The following FARP1 variants were observed in gnomAD, a reference collection of about 807,000 sequenced individuals.
FARP1 encodes the protein FERM, ARH/RhoGEF and pleckstrin domain protein 1, also known as FERM, ARHGEF and pleckstrin domain-containing protein 1.
A neutral mutation model predicts 128.8 loss-of-function variants in FARP1; 52 were observed. The observed-to-expected ratio is 0.40, with a 90% CI of 0.32 to 0.51. FARP1 has a LOEUF of 0.51. Ranked by LOEUF, FARP1 falls within the 20% of genes least tolerant of loss-of-function variation. The pLI, the probability that FARP1 is intolerant of heterozygous loss-of-function variation, is 0.45. For synonymous variants in FARP1, 580 were observed against 551.8 expected, an observed-to-expected ratio of 1.05 and a Z score of -0.72; for missense variants, 1,333 against 1,367.9, an observed-to-expected ratio of 0.97 and a Z score of 0.40.
In FARP1 at chr13:98,424,345, T is replaced by C. The variant is rs1322271818; in HGVS notation, c.1827-227T>C. 5.3e-5 allele frequency among the ~76,000 whole-genome samples: 8 copies of C among 152,166 alleles called. No individual in the cohort carries two copies. The East Asian group carries it at 1.5e-3, about 29-fold the overall frequency. ...TAAACCAAATTAAAAGGATTGGAAA[T>C]TGGTTCTCTCTTGTCTCTTTCAAAG... On this transcript the variant is annotated intron_variant, in intron 16 of 26. Transcript: ENST00000319562.
intron 2 of FARP1, among the ~76,000 whole-genome samples, chr13:98,297,442 T>C (rs55848509): frequency 0.052 from 7,888 of 152,318 alleles, 238 homozygotes; most frequent in African/African-American, 0.069. Context: ...GGATTCAAGA[T>C]TGGCTTTAAA....
At chr13:98,313,313 AACACACACAC>A (rs10684013) in intron 2 of FARP1, among the ~76,000 whole-genome samples, 3 of 139,392 alleles carry the variant, frequency 2.2e-5, no homozygotes, top group South Asian at 2.4e-4. Flanking sequence ...CCTTCCCCCA[AACACACACAC>A]ACACACACAC....
intron 1 of FARP1, among the ~76,000 whole-genome samples, chr13:98,186,431 TTC>T (rs1331961781): frequency 6.6e-6 from 1 of 152,092 alleles, no homozygotes; most frequent in Non-Finnish European, 1.5e-5. Flanking sequence ...TCCATCTTTC[TTC>T]TCTCTCTCCC....
chr13:98,324,375 G>T (rs1392053818), intron 2 of FARP1, among the ~76,000 whole-genome samples: 1 of 152,132 alleles, frequency 6.6e-6, no homozygotes, highest in African/African-American at 2.4e-5. Flanking sequence ...TGCTTTTTGT[G>T]TAAGATCTAT....
At chr13:98,249,544 G>T (rs948543840) in intron 2 of FARP1, among the ~76,000 whole-genome samples, 2 of 152,054 alleles carry the variant, frequency 1.3e-5, no homozygotes, top group African/African-American at 4.8e-5. Flanking sequence ...TTTCCTTGTG[G>T]CAACAGAGAT....
At chr13:98,408,322 CTTTTTTTTTTTTTT>C (rs34532263) in intron 13 of FARP1, among the ~76,000 whole-genome samples, 2 of 90,164 alleles carry the variant, frequency 2.2e-5, no homozygotes, top group East Asian at 6.2e-4. Flanking sequence ...GTAATATATA[CTTTTTTTTTTTTTT>C]TTTTTTTTTG....
chr13:98,180,616 T>G (rs571036900), intron 1 of FARP1, among the ~76,000 whole-genome samples: 3 of 152,246 alleles, frequency 2.0e-5, no homozygotes, highest in Non-Finnish European at 4.4e-5. Flanking sequence ...TTCAGCCTTC[T>G]TCCAAGTTAG....
Position 98,263,835 on chromosome 13 carries a change from C to T in FARP1, c.171+50422C>T, listed in dbSNP as rs112260057. Among the ~76,000 whole-genome samples, 1,267 of 152,182 alleles carry T rather than the reference C, an allele frequency of 8.3e-3. 6 individuals carry two copies. Among genetic ancestry groups the T allele is most frequent in the Admixed American group, 0.016 (242 of 15,294 alleles). On this transcript the variant is annotated intron_variant, in intron 2 of 26. Transcript: ENST00000319562. ...TTGTGACATCCTTCAATTGATTTTC[C>T]TTTTCCCATTTATTTTTAGTGCTCC...
Position 98,423,411 on chromosome 13 carries a change from TTTTG to T in FARP1, c.1827-1137_1827-1134del, listed in dbSNP as rs369206178. Among the ~76,000 whole-genome samples, 1,213 of 152,200 alleles carry T rather than the reference TTTTG, an allele frequency of 8.0e-3. 15 individuals are homozygous for T. The highest frequency in any genetic ancestry group is 0.024 in the African/African-American group (1,010 of 41,500). On this transcript the variant is annotated intron_variant, in intron 16 of 26. Transcript: ENST00000319562. ...CTTCCTATTAGAAGCCTAGTGCCAGTTTTGTTTGTTTGTTTGTTTGTTTGTTTAA... is the reference window on the plus strand; with the variant it reads ...CTTCCTATTAGAAGCCTAGTGCCAGTTTTGTTTGTTTGTTTGTTTGTTTAA...
chr13:98,371,124 G>A (rs1401294675), intron 5 of FARP1, among the ~76,000 whole-genome samples: 1 of 152,056 alleles, frequency 6.6e-6, no homozygotes, highest in Non-Finnish European at 1.5e-5. Context: ...AAGTAGCATC[G>A]GTAGCGTGCC....
At chr13:98,167,590 A>C (rs2139151852) in intron 1 of FARP1, among the ~76,000 whole-genome samples, 1 of 151,826 alleles carries the variant, frequency 6.6e-6, no homozygotes, top group East Asian at 2.0e-4. Flanking sequence ...TTGTATTTTT[A>C]GTAGAGCTAG....
intron 2 of FARP1, among the ~76,000 whole-genome samples, chr13:98,336,014 T>C (rs570978103): frequency 4.9e-4 from 75 of 152,304 alleles, no homozygotes; most frequent in South Asian, 3.1e-3. Context: ...TCAAACATTA[T>C]CAAGTTCTGT....
rs571572838 is a variant in FARP1, at chr13:98,147,862, G to A, written c.-24+4370G>A. On this transcript the variant is annotated intron_variant, in intron 1 of 26. Coordinates refer to ENST00000319562, the MANE Select transcript of FARP1 (RefSeq NM_005766.4). ...AAAATTTTTCTTAGAGAGTCTCACCGCTATGTTGCCCAGTCTGGTAAATCC... is the reference window on the plus strand; with the variant it reads ...AAAATTTTTCTTAGAGAGTCTCACCACTATGTTGCCCAGTCTGGTAAATCC... 1.1e-4 allele frequency among the ~76,000 whole-genome samples: 17 copies of A among 151,898 alleles called. No homozygotes were observed. In the East Asian group the frequency reaches 2.3e-3, roughly 21 times the overall value.
At chr13:98,188,719 G>C (rs1879041903) in intron 1 of FARP1, among the ~76,000 whole-genome samples, 1 of 152,168 alleles carries the variant, frequency 6.6e-6, no homozygotes, top group South Asian at 2.1e-4. Flanking sequence ...AAGGGAGGTG[G>C]AGTCTGCGGT....
At chr13:98,396,333 C>G (rs1013683777) in intron 13 of FARP1, 2 of 399,080 alleles carry the variant, frequency 5.0e-6, no homozygotes, top group African/African-American at 4.1e-5. Context: ...GTGAGTCAGA[C>G]TCTGAGATGC....
At chr13:98,188,615 G>A (rs1594248200) in intron 1 of FARP1, among the ~76,000 whole-genome samples, 1 of 152,130 alleles carries the variant, frequency 6.6e-6, no homozygotes, top group African/African-American at 2.4e-5. Flanking sequence ...AGGCTAAGAT[G>A]TCTGAAGGCT....
At chr13:98,314,452 G>A (rs1057108953) in intron 2 of FARP1, among the ~76,000 whole-genome samples, 3 of 151,758 alleles carry the variant, frequency 2.0e-5, no homozygotes, top group Non-Finnish European at 4.4e-5. Flanking sequence ...GCTAATTTTT[G>A]TATTTTTAGT....
At chr13:98,381,483 C>T (rs1270004843) in intron 6 of FARP1, 6 of 152,184 alleles carry the variant, frequency 3.9e-5, no homozygotes, top group Non-Finnish European at 8.8e-5. Context: ...TTTGTTCCTC[C>T]GTCACTGGCC....
In FARP1 at chr13:98,379,006, A is replaced by T. The variant is rs1488460013; in HGVS notation, c.496+1088A>T. On this transcript the variant is annotated intron_variant, in intron 6 of 26. Coordinates refer to ENST00000319562, the MANE Select transcript of FARP1 (RefSeq NM_005766.4). ...ATATAATATATATATAATATATACA[A>T]TATATAATCTATATATAATATATAT... Among the ~76,000 whole-genome samples the T allele has an allele frequency of 2.2e-5, 2 of 89,840 alleles. 1 individual carries two copies. The highest frequency in any genetic ancestry group is 6.3e-4 in the East Asian group (2 of 3,198). The allele number at this position is 89,840 out of a possible 152,430, so 58.9% of individuals were successfully genotyped here.
Sources: gnomAD v4.1 joint callset for allele counts (sites outside exome capture counted in the v4.1 genomes callset) on GRCh38, gnomAD v4.1.1 for gene constraint, MANE v1.5 for transcripts, NCBI Gene and HGNC (gene_info 2026-07-23, HGNC 2026-07-21) for gene names.